The following ATP1A3 variants were observed in gnomAD, a reference collection of about 807,000 sequenced individuals.
ATP1A3 encodes the protein sodium/potassium-transporting ATPase subunit alpha-3.
Under a neutral mutation model 108.8 loss-of-function variants are expected in ATP1A3, and 12 were observed. The observed-to-expected ratio is 0.11, with a 90% CI of 0.07 to 0.18. ATP1A3 has a LOEUF of 0.18. Ranked by LOEUF, ATP1A3 falls within the 10% of genes least tolerant of loss-of-function variation. ATP1A3 has a pLI of 1.00. For synonymous variants in ATP1A3, 539 were observed against 564.5 expected (o/e 0.95, Z 0.64); for missense variants, 498 against 1,387.7 (o/e 0.36, Z 10.19).
At position 41,988,282 on chromosome 19, in the gene ATP1A3, T is replaced by G; in HGVS notation, c.153+36A>C. ...GTCCTAGCCCCCAGCTCCTCCTCCC[T>G]AGTTCCCAGGGTCCCAGCCCACAGC... On this transcript the variant is annotated intron_variant, in intron 3 of 22. Coordinates refer to ENST00000648268, the MANE Select transcript of ATP1A3 (RefSeq NM_152296.5). The surrounding 1 kb of genome is among the most constrained non-coding windows in gnomAD (Gnocchi z 5.3). 6.2e-7 allele frequency: 1 copy of G among 1,613,866 alleles called. No individual in the cohort carries two copies.
chr19:41,986,666 C>A, intron 4 of ATP1A3: 1 of 210,066 alleles, frequency 4.8e-6, no homozygotes. Flanking sequence ...TGGTCTTGAT[C>A]TCCTGACCTT....
In ATP1A3 at chr19:41,982,625, C is replaced by CA. The variant is rs782309983; in HGVS notation, c.994-520dup. 5.7e-3 allele frequency among the ~76,000 whole-genome samples: 721 copies of CA among 127,146 alleles called. 4 individuals are homozygous for CA. Among genetic ancestry groups the CA allele is most frequent in the African/African-American group, 6.6e-3 (226 of 34,424 alleles). The allele number at this position is 127,146 out of a possible 152,430, so 83.4% of individuals were successfully genotyped here. On this transcript the variant is annotated intron_variant, in intron 8 of 22. Transcript: ENST00000648268. ...TGGGCAACAGAGTGAGACTCCAACT[C>CA]AAAAAAAAAAAAAATTGTCCAAAAC...
Position 41,975,702 on chromosome 19 carries a change from G to A in ATP1A3, c.2190C>T (p.Asp730=), listed in dbSNP as rs202060210. 38 of 1,614,134 alleles carry A rather than the reference G, an allele frequency of 2.4e-5. No homozygotes were observed. The highest frequency in any genetic ancestry group is 4.4e-5 in the South Asian group (4 of 91,080). Residue 730 remains aspartate, a synonymous_variant, in exon 16 of 23, where the codon GAC becomes GAT. Transcript: ENST00000648268. ...TCATGTCAGCTGCCTGCTTGGAGAC[G>A]TCAGAGCCAGCGATGCCCATGGCCA... ...IGVAMGIAGS[D]VSKQAADMIL...
chr19:41,976,362 G>A (rs1599713586), intron 15 of ATP1A3, 54 bp downstream of exon 15: 1 of 1,609,124 alleles, frequency 6.2e-7, no homozygotes, highest in Non-Finnish European at 8.5e-7. Flanking sequence ...CCCGGCCTCA[G>A]TGAGGACCCA....
At chr19:41,972,387 G>A (rs538333164) in intron 16 of ATP1A3, among the ~76,000 whole-genome samples, 44 of 151,666 alleles carry the variant, frequency 2.9e-4, no homozygotes, top group African/African-American at 6.8e-4. Context: ...GCAGCACTGC[G>A]CTCCAGCCTG....
At chr19:41,975,858 G>T in intron 15 of ATP1A3, 61 bp from the exon 16 acceptor site, 1 of 1,608,270 alleles carries the variant, frequency 6.2e-7, no homozygotes, top group South Asian at 1.1e-5. Flanking sequence ...CCCTCCCTCA[G>T]ATCCAGAAGC....
At chr19:41,976,653 C>G (rs1555861429) in intron 14 of ATP1A3, 87 bp from the exon 15 acceptor site, 1 of 1,576,984 alleles carries the variant, frequency 6.3e-7, no homozygotes, top group African/African-American at 1.4e-5. Context: ...AACAGAGGGG[C>G]CAGCCCCACA....
rs782331440 is a variant in ATP1A3, at chr19:41,977,910, G to A, written c.1943+26C>T. Reference sequence around the variant, plus strand: ...GTCAACACCCTAGAGGGATGTCCAGGGCCCTGGCTGGGATGGGTGGCTCAC... The same window carrying A: ...GTCAACACCCTAGAGGGATGTCCAGAGCCCTGGCTGGGATGGGTGGCTCAC... On this transcript the variant is annotated intron_variant, in intron 14 of 22. Transcript: ENST00000648268. 9 of 1,613,604 alleles carry A rather than the reference G, an allele frequency of 5.6e-6. No homozygotes were observed. In the South Asian group the frequency reaches 7.7e-5, roughly 14 times the overall value.
In ATP1A3 at chr19:41,985,741, AC is replaced by A; in HGVS notation, c.606+122del. 7.0e-7 allele frequency: 1 copy of A among 1,436,096 alleles called. No homozygotes were observed. Among genetic ancestry groups the A allele is most frequent in the East Asian group, 2.3e-5 (1 of 42,600 alleles). 89.0% of individuals were successfully genotyped at this position (1,436,096 alleles called of 1,614,324 possible). A position where few individuals can be genotyped will look rare whatever the true frequency, so the allele number is the denominator to read the frequency against. On this transcript the variant is annotated intron_variant, in intron 6 of 22. Coordinates refer to ENST00000648268, the MANE Select transcript of ATP1A3 (RefSeq NM_152296.5). This position sits in a 1 kb window ranked among gnomAD's most constrained non-coding sequence, Gnocchi z 8.2. The stretch of plus-strand genomic sequence containing the variant: ...GAGGGAGGAGGGCCTGGGGGCCTGG[AC>A]TCCTGGGTCTGAGGGAGGAGGGGTT...
chr19:41,975,008 G>C (rs1555860635), intron 16 of ATP1A3, among the ~76,000 whole-genome samples: 3 of 152,164 alleles, frequency 2.0e-5, no homozygotes, highest in Non-Finnish European at 1.5e-5. Flanking sequence ...GCTGGCAGAG[G>C]GGGTATCCCC....
intron 4 of ATP1A3, among the ~76,000 whole-genome samples, chr19:41,986,924 T>C (rs985194960): frequency 6.6e-6 from 1 of 151,902 alleles, no homozygotes; most frequent in South Asian, 2.1e-4. Flanking sequence ...TGTGTTTTTT[T>C]AGAGGCTGGG....
Position 41,994,056 on chromosome 19 carries a change from C to G in ATP1A3, c.6+15G>C. Reference sequence around the variant, plus strand: ...ATGTCACACGGAAGCGGCGCCCAGCCGGCTCAGCACCTACCCCCATCTTGG... The same window carrying G: ...ATGTCACACGGAAGCGGCGCCCAGCGGGCTCAGCACCTACCCCCATCTTGG... On this transcript the variant is annotated intron_variant, in intron 1 of 22. Coordinates refer to ENST00000648268, the MANE Select transcript of ATP1A3 (RefSeq NM_152296.5). 6.2e-7 allele frequency: 1 copy of G among 1,608,434 alleles called. No homozygotes were observed. The highest frequency in any genetic ancestry group is 8.5e-7 in the Non-Finnish European group (1 of 1,177,936).
chr19:41,973,951 C>T (rs535916911), intron 16 of ATP1A3, among the ~76,000 whole-genome samples: 27 of 152,240 alleles, frequency 1.8e-4, no homozygotes, highest in African/African-American at 6.5e-4. Flanking sequence ...GAAGACCTCG[C>T]TGGGCGAGGT....
chr19:41,970,380 G>T lies in ATP1A3; in HGVS notation c.2418+8C>A. ...TCCTGGGCCCCAAGGGTGGCTGCCAGGGCTCACCATGTCAGTGCCCAGATC... is the reference window on the plus strand; with the variant it reads ...TCCTGGGCCCCAAGGGTGGCTGCCATGGCTCACCATGTCAGTGCCCAGATC... On this transcript the variant is annotated splice_region_variant and intron_variant, in intron 17 of 22. Coordinates refer to ENST00000648268, the MANE Select transcript of ATP1A3 (RefSeq NM_152296.5). The T allele has an allele frequency of 6.2e-7, 1 of 1,614,268 alleles. No individual in the cohort carries two copies. The highest frequency in any genetic ancestry group is 8.5e-7 in the Non-Finnish European group (1 of 1,180,058).
intron 14 of ATP1A3, among the ~76,000 whole-genome samples, chr19:41,977,704 CATAA>C: frequency 6.6e-6 from 1 of 152,082 alleles, no homozygotes; most frequent in Middle Eastern, 3.4e-3. Flanking sequence ...ATCTCAAAAA[CATAA>C]ATAAATAAAT....
Position 41,973,648 on chromosome 19 carries a change from C to T in ATP1A3, c.2263+1981G>A, listed in dbSNP as rs527751387. 2.4e-4 allele frequency among the ~76,000 whole-genome samples: 36 copies of T among 152,326 alleles called. No homozygotes were observed. The Middle Eastern group carries it at 0.01, about 43-fold the overall frequency. ...GGACCCTCACTATTATCTATCACAG[C>T]GGCCTGCTTTCTTCGGGGCATATAT... On this transcript the variant is annotated intron_variant, in intron 16 of 22. Coordinates refer to ENST00000648268, the MANE Select transcript of ATP1A3 (RefSeq NM_152296.5).
chr19:41,992,863 T>C (rs1300447700), intron 1 of ATP1A3: 1 of 154,816 alleles, frequency 6.5e-6, no homozygotes, highest in Non-Finnish European at 1.4e-5. Flanking sequence ...CTTCCTTCTC[T>C]AGGGCTTTTA....
intron 11 of ATP1A3, among the ~76,000 whole-genome samples, chr19:41,979,056 G>A (rs1230131906): frequency 2.7e-5 from 4 of 150,252 alleles, no homozygotes; most frequent in East Asian, 2.0e-4. Context: ...AGGCTGGAGT[G>A]CAGTGGCACG....
intron 1 of ATP1A3, among the ~76,000 whole-genome samples, chr19:41,991,703 C>A (rs184597842): frequency 6.6e-6 from 1 of 152,068 alleles, no homozygotes; most frequent in Non-Finnish European, 1.5e-5. Flanking sequence ...AGGGCTGGGC[C>A]GGACTCTCAG....
Sources: gnomAD v4.1 joint callset for allele counts (sites outside exome capture counted in the v4.1 genomes callset) on GRCh38, gnomAD v4.1.1 for gene constraint, Gnocchi (gnomAD v3.1) non-coding constraint, MANE v1.5 for transcripts, NCBI Gene and HGNC (gene_info 2026-07-23, HGNC 2026-07-21) for gene names.